The following IBTK variants were observed in gnomAD, a reference collection of about 807,000 sequenced individuals.
IBTK encodes the protein inhibitor of Bruton tyrosine kinase.
IBTK carries 83 observed loss-of-function variants against 154.9 expected under a neutral mutation model. The ratio of observed to expected loss-of-function variants is 0.54; its 90% CI spans 0.45 to 0.64. IBTK has a LOEUF of 0.64. Among genes scored for constraint, IBTK ranks in the 30% least tolerant of loss-of-function variants. IBTK has a pLI of 0.00. For synonymous variants in IBTK, 515 were observed against 536.1 expected (o/e 0.96, Z 0.54); for missense variants, 1,332 against 1,584.6 (o/e 0.84, Z 2.71).
At chr6:82,237,277 T>C (rs560386606) in intron 2 of IBTK, among the ~76,000 whole-genome samples, 37 of 151,092 alleles carry the variant, frequency 2.4e-4, no homozygotes, top group South Asian at 1.9e-3. Context: ...GTTTTACAGA[T>C]GGAAAAGGGT....
chr6:82,238,329 T>C (rs1222984613), intron 2 of IBTK, among the ~76,000 whole-genome samples: 1 of 152,178 alleles, frequency 6.6e-6, no homozygotes, highest in Non-Finnish European at 1.5e-5. Flanking sequence ...CTAATTTGCA[T>C]TCATTAGTGA....
intron 2 of IBTK, among the ~76,000 whole-genome samples, chr6:82,236,484 A>G (rs750233284): frequency 6.6e-6 from 1 of 152,196 alleles, no homozygotes; most frequent in Non-Finnish European, 1.5e-5. Flanking sequence ...AACAACAGAT[A>G]CAGCAGGACT....
intron 25 of IBTK, among the ~76,000 whole-genome samples, chr6:82,182,675 CAAAG>C (rs1278216484): frequency 1.3e-5 from 2 of 152,050 alleles, no homozygotes; most frequent in South Asian, 4.2e-4. Flanking sequence ...AAAGATAAAA[CAAAG>C]AAAACCATAT....
intron 23 of IBTK, 57 bp from the exon 24 acceptor site, chr6:82,191,936 C>A: frequency 2.3e-6 from 2 of 880,292 alleles, no homozygotes; most frequent in Admixed American, 2.5e-5. Context: ...AAGCCCAACC[C>A]CCAACTTCAC....
chr6:82,247,444 C>A, intron 1 of IBTK, 118 bp downstream of exon 1: 1 of 394,296 alleles, frequency 2.5e-6, no homozygotes, highest in Non-Finnish European at 4.5e-6. Context: ...TCCCCACGGT[C>A]CCCCCGCGCC....
At chr6:82,235,105 C>T (rs1480475264) in intron 2 of IBTK, among the ~76,000 whole-genome samples, 1 of 151,200 alleles carries the variant, frequency 6.6e-6, no homozygotes, top group African/African-American at 2.4e-5. Flanking sequence ...GTGATCAGCC[C>T]GCCTCAGCCT....
intron 1 of IBTK, 101 bp downstream of exon 1, chr6:82,247,461 C>T (rs920020645): frequency 1.5e-4 from 61 of 397,310 alleles, no homozygotes; most frequent in Admixed American, 9.7e-4. Flanking sequence ...CGCCGCCGTC[C>T]GCAGCCACCC....
chr6:82,203,357 T>C (rs1769283481), intron 17 of IBTK, among the ~76,000 whole-genome samples: 1 of 152,132 alleles, frequency 6.6e-6, no homozygotes, highest in Non-Finnish European at 1.5e-5. Context: ...CCTCCACTAT[T>C]TTTCTTAATT....
rs191791001 is a variant in IBTK, at chr6:82,202,817, T to A, written c.2612-172A>T. Among the ~76,000 whole-genome samples the A allele has an allele frequency of 4.9e-4, 74 of 152,272 alleles. 1 individual carries two copies. The highest frequency in any genetic ancestry group is 1.7e-3 in the African/African-American group (69 of 41,562). On this transcript the variant is annotated intron_variant, in intron 17 of 28. Transcript: ENST00000306270. Reference sequence around the variant, plus strand: ...CAAATATGTAACTCTTCCATCCCAATATGCCAAAGTAATTTCAAAAGATTG... The same window carrying A: ...CAAATATGTAACTCTTCCATCCCAAAATGCCAAAGTAATTTCAAAAGATTG...
At chr6:82,220,473 TA>T in intron 9 of IBTK, 116 bp downstream of exon 9, 1 of 1,074,676 alleles carries the variant, frequency 9.3e-7, no homozygotes, top group Non-Finnish European at 1.3e-6. Context: ...CACCCAATAC[TA>T]ATCATCAAAG....
intron 1 of IBTK, among the ~76,000 whole-genome samples, chr6:82,243,778 G>C (rs962661991): frequency 6.6e-6 from 1 of 152,070 alleles, no homozygotes; most frequent in African/African-American, 2.4e-5. Flanking sequence ...TTCATTGTAT[G>C]CATAATACCT....
chr6:82,218,177 A>G (rs772703363), intron 9 of IBTK, 40 bp from the exon 10 acceptor site: 10 of 1,428,156 alleles, frequency 7.0e-6, no homozygotes, highest in Non-Finnish European at 9.3e-6. Flanking sequence ...TAAAGCAAGT[A>G]GCATTTGAAC....
At chr6:82,202,426 C>T (rs773126884) in intron 18 of IBTK, 102 bp downstream of exon 18, 9 of 712,080 alleles carry the variant, frequency 1.3e-5, no homozygotes, top group Non-Finnish European at 2.2e-5. Context: ...TCTTTCCATC[C>T]AGGTAAACAT....
At chr6:82,243,583 C>G (rs1478521781) in intron 1 of IBTK, among the ~76,000 whole-genome samples, 1 of 152,110 alleles carries the variant, frequency 6.6e-6, no homozygotes, top group Non-Finnish European at 1.5e-5. Context: ...GAGTAGCCCT[C>G]TTGGTTAGCA....
intron 22 of IBTK, among the ~76,000 whole-genome samples, chr6:82,195,671 G>A (rs1247136865): frequency 1.3e-5 from 2 of 152,090 alleles, no homozygotes; most frequent in East Asian, 1.9e-4. Context: ...TAGAAGTTCC[G>A]ATACGTTTTG....
intron 17 of IBTK, among the ~76,000 whole-genome samples, chr6:82,203,292 G>T (rs1769280776): frequency 6.6e-6 from 1 of 151,954 alleles, no homozygotes. Context: ...CATTTTCCTA[G>T]AGACTCTCCC....
chr6:82,171,302 AATT>A lies in IBTK; in HGVS notation c.*120_*122del. 1 of 696,270 alleles carries A rather than the reference AATT, an allele frequency of 1.4e-6. No individual in the cohort carries two copies. The highest frequency in any genetic ancestry group is 3.1e-5 in the East Asian group (1 of 32,386). The allele number at this position is 696,270 out of a possible 1,614,324, so 43.1% of individuals were successfully genotyped here. A position where few individuals can be genotyped will look rare whatever the true frequency, so the allele number is the denominator to read the frequency against. ...TTATATGATTTAACTGCAGTAAAGAAATTATATCTTTTCTTAATCTATTTAGAA... is the reference window on the plus strand; with the variant it reads ...TTATATGATTTAACTGCAGTAAAGAAATATCTTTTCTTAATCTATTTAGAA... On this transcript the variant is annotated 3_prime_UTR_variant, in exon 29 of 29. Transcript: ENST00000306270.
Position 82,224,280 on chromosome 6 carries a change from T to C in IBTK, c.826-95A>G, listed in dbSNP as rs1249385313. On this transcript the variant is annotated intron_variant, in intron 6 of 28. Coordinates refer to ENST00000306270, the MANE Select transcript of IBTK (RefSeq NM_015525.4). ...GCAGACCAGCAAATATATGGTATAC[T>C]TGCTGTTAGTGGTCCACTCAAGTGC... 2.0e-5 allele frequency: 17 copies of C among 844,924 alleles called. No homozygotes were observed. In the South Asian group the frequency reaches 2.4e-4, roughly 12 times the overall value. The allele number at this position is 844,924 out of a possible 1,614,324, so 52.3% of individuals were successfully genotyped here. A position where few individuals can be genotyped will look rare whatever the true frequency, so the allele number is the denominator to read the frequency against.
At chr6:82,245,638 A>G (rs1771114339) in intron 1 of IBTK, among the ~76,000 whole-genome samples, 1 of 152,190 alleles carries the variant, frequency 6.6e-6, no homozygotes, top group African/African-American at 2.4e-5. Context: ...AGTAAATATA[A>G]AAGAACTAGA....
Sources: gnomAD v4.1 joint callset for allele counts (sites outside exome capture counted in the v4.1 genomes callset) on GRCh38, gnomAD v4.1.1 for gene constraint, MANE v1.5 for transcripts, NCBI Gene and HGNC (gene_info 2026-07-23, HGNC 2026-07-21) for gene names.